Variants in RSRC1 observed in about 807,000 individuals in gnomAD.
RSRC1 encodes serine/Arginine-related protein 53.
Under a neutral mutation model 49.1 loss-of-function variants are expected in RSRC1, and 39 were observed. The observed-to-expected ratio is 0.79, with a 90% CI of 0.61 to 1.04. The LOEUF (loss-of-function observed/expected upper bound fraction) is 1.04. RSRC1 is among the 50% of genes least tolerant of loss of function. The probability of loss-of-function intolerance (pLI) is 0.00; values close to 1 mark genes in which losing one functional copy is unlikely to be tolerated. For missense variants in RSRC1, 388 were observed against 402.4 expected (o/e 0.96, Z 0.31); for synonymous variants, 143 against 130.8 (o/e 1.09, Z -0.63).
chr3:158,162,792 T>G (rs1211502107), intron 3 of RSRC1, among the ~76,000 whole-genome samples: 2 of 152,166 alleles, frequency 1.3e-5, no homozygotes, highest in Non-Finnish European at 2.9e-5. Context: ...GTTCATTGAC[T>G]TTGTTTCTTT....
intron 6 of RSRC1, among the ~76,000 whole-genome samples, chr3:158,459,501 A>G (rs1737509222): frequency 6.6e-6 from 1 of 152,090 alleles, no homozygotes; most frequent in African/African-American, 2.4e-5. Context: ...TGTGAATCTG[A>G]GCGGGATAAT....
chr3:158,125,797 G>A (rs1164684552), intron 3 of RSRC1, among the ~76,000 whole-genome samples: 1 of 151,976 alleles, frequency 6.6e-6, no homozygotes, highest in Admixed American at 6.6e-5. Flanking sequence ...TATTGAAAGT[G>A]GATTATTGAA....
intron 4 of RSRC1, among the ~76,000 whole-genome samples, chr3:158,273,435 A>G (rs907529481): frequency 5.3e-5 from 8 of 152,072 alleles, no homozygotes; most frequent in Admixed American, 1.3e-4. Context: ...AAGGTCCTGT[A>G]AGTCTATTTT....
At chr3:158,459,434 A>G (rs73172115) in intron 6 of RSRC1, among the ~76,000 whole-genome samples, 6,347 of 152,200 alleles carry the variant, frequency 0.042, 187 homozygotes, top group Middle Eastern at 0.13. Context: ...TGCATTATTA[A>G]ATTTCAGTCT....
chr3:158,361,933 CTT>C (rs1731498342), intron 6 of RSRC1, among the ~76,000 whole-genome samples: 1 of 152,128 alleles, frequency 6.6e-6, no homozygotes, highest in African/African-American at 2.4e-5. Flanking sequence ...TTAGTCCTGT[CTT>C]TGCACACCAT....
At chr3:158,265,574 T>C (rs1313182600) in intron 4 of RSRC1, among the ~76,000 whole-genome samples, 1 of 151,870 alleles carries the variant, frequency 6.6e-6, no homozygotes, top group Non-Finnish European at 1.5e-5. Context: ...GAGGTTACAG[T>C]GAGCTGAGAT....
chr3:158,399,854 T>A (rs1189454336), intron 6 of RSRC1, among the ~76,000 whole-genome samples: 1 of 152,196 alleles, frequency 6.6e-6, no homozygotes, highest in Non-Finnish European at 1.5e-5. Flanking sequence ...TTTTACTCTA[T>A]ACATTTCTTT....
At chr3:158,299,029 T>C (rs1197337358) in intron 5 of RSRC1, among the ~76,000 whole-genome samples, 3 of 152,104 alleles carry the variant, frequency 2.0e-5, no homozygotes, top group Non-Finnish European at 4.4e-5. Context: ...CCTAGACTTT[T>C]AAAAGTGATC....
At chr3:158,503,233 G>A (rs974494846) in intron 7 of RSRC1, among the ~76,000 whole-genome samples, 4 of 152,174 alleles carry the variant, frequency 2.6e-5, no homozygotes, top group Admixed American at 1.3e-4. Flanking sequence ...GTCCTATGAT[G>A]TAAATCATCT....
rs2108507212 is a variant in RSRC1, at chr3:158,539,234, C to G, written c.759+2036C>G. Among the ~76,000 whole-genome samples the G allele has an allele frequency of 6.6e-6, 1 of 152,100 alleles. No homozygotes were observed. The highest frequency in any genetic ancestry group is 6.6e-5 in the Admixed American group (1 of 15,246). On this transcript the variant is annotated intron_variant, in intron 8 of 9. Transcript: ENST00000611884. This position sits in a 1 kb window ranked among gnomAD's most constrained non-coding sequence, Gnocchi z 4.1. Reference sequence around the variant, plus strand: ...AAAGGCTTTTGTATGCTGGCCACCCCTTCAGTTGGTACCGTATTTGTTTAG... The same window carrying G: ...AAAGGCTTTTGTATGCTGGCCACCCGTTCAGTTGGTACCGTATTTGTTTAG...
intron 7 of RSRC1, among the ~76,000 whole-genome samples, chr3:158,518,146 A>T (rs201589197): frequency 0.014 from 1,005 of 69,516 alleles, 17 homozygotes; most frequent in African/African-American, 0.041. Context: ...ATATATATAT[A>T]TATTTTTTTT....
At chr3:158,475,327 G>T (rs1237833979) in intron 7 of RSRC1, among the ~76,000 whole-genome samples, 1 of 152,162 alleles carries the variant, frequency 6.6e-6, no homozygotes, top group Non-Finnish European at 1.5e-5. Flanking sequence ...AAAACATGGA[G>T]TGCACATTCT....
At chr3:158,116,598 C>G (rs985416103) in intron 1 of RSRC1, among the ~76,000 whole-genome samples, 3 of 151,882 alleles carry the variant, frequency 2.0e-5, no homozygotes, top group African/African-American at 7.3e-5. Flanking sequence ...TAATTTGGTG[C>G]CTCTGCCTTG....
At chr3:158,354,630 T>C (rs542982459) in intron 5 of RSRC1, among the ~76,000 whole-genome samples, 1 of 152,272 alleles carries the variant, frequency 6.6e-6, no homozygotes, top group South Asian at 2.1e-4. Flanking sequence ...ATTGATACAA[T>C]GTTGGATAGT....
chr3:158,464,493 T>G (rs887607295), intron 7 of RSRC1, among the ~76,000 whole-genome samples: 1 of 152,182 alleles, frequency 6.6e-6, no homozygotes, highest in Non-Finnish European at 1.5e-5. Context: ...CTTTCTAAAT[T>G]ATTCATGGGA....
intron 6 of RSRC1, among the ~76,000 whole-genome samples, chr3:158,447,187 G>C (rs929914982): frequency 6.6e-6 from 1 of 152,014 alleles, no homozygotes; most frequent in African/African-American, 2.4e-5. Context: ...TTTATCAGAA[G>C]TGTTAGCCTT....
chr3:158,515,494 G>A (rs1031364525), intron 7 of RSRC1, among the ~76,000 whole-genome samples: 2 of 137,148 alleles, frequency 1.5e-5, no homozygotes, highest in South Asian at 2.6e-4. Context: ...GCTTCCCTTT[G>A]AGGGTAACCC....
intron 5 of RSRC1, among the ~76,000 whole-genome samples, chr3:158,332,992 A>G (rs1317890026): frequency 4.1e-5 from 6 of 146,436 alleles, no homozygotes; most frequent in Admixed American, 2.1e-4. Context: ...TTTTTGAGAC[A>G]GAGTCTCGCT....
At chr3:158,151,093 C>CA (rs1717509003) in intron 3 of RSRC1, among the ~76,000 whole-genome samples, 1 of 152,056 alleles carries the variant, frequency 6.6e-6, no homozygotes. Context: ...CACGCATTGC[C>CA]AGGTGCATGG....
Sources: allele counts gnomAD v4.1 joint callset (sites outside exome capture counted in the v4.1 genomes callset), GRCh38; gene constraint gnomAD v4.1.1; non-coding constraint Gnocchi (gnomAD v3.1); transcripts MANE v1.5; gene names NCBI Gene and HGNC (gene_info 2026-07-23, HGNC 2026-07-21).